TXNRD1: variants seen among roughly 807,000 people sequenced by gnomAD.
The protein encoded by TXNRD1 is thioredoxin reductase 1, also known as thioredoxin reductase 1, cytoplasmic.
In TXNRD1, 57 loss-of-function variants were observed where a neutral mutation model predicts 80.3. The ratio of observed to expected loss-of-function variants is 0.71; its 90% CI spans 0.57 to 0.89. TXNRD1 has a LOEUF of 0.89. Ranked by LOEUF, TXNRD1 falls within the 40% of genes least tolerant of loss-of-function variation. TXNRD1 has a pLI of 0.00. For missense variants in TXNRD1, 730 were observed against 803.0 expected (o/e 0.91, Z 1.10); for synonymous variants, 291 against 285.2 (o/e 1.02, Z -0.20).
intron 3 of TXNRD1, among the ~76,000 whole-genome samples, chr12:104,281,628 A>G (rs2033880920): frequency 6.6e-6 from 1 of 151,702 alleles, no homozygotes; most frequent in Non-Finnish European, 1.5e-5. Flanking sequence ...GGCTCATCTC[A>G]ATCTCCTGAC....
intron 16 of TXNRD1, among the ~76,000 whole-genome samples, chr12:104,342,299 C>G (rs2135892412): frequency 6.6e-6 from 1 of 152,248 alleles, no homozygotes; most frequent in African/African-American, 2.4e-5. Context: ...AGAGTCACAT[C>G]ATTAGCATAA....
chr12:104,270,156 C>G (rs2033624024), intron 3 of TXNRD1, among the ~76,000 whole-genome samples: 1 of 152,232 alleles, frequency 6.6e-6, no homozygotes, highest in Non-Finnish European at 1.5e-5. Flanking sequence ...TTATTGACTT[C>G]TTCCCATGAA....
chr12:104,311,825 A>C (rs538313029), intron 5 of TXNRD1, among the ~76,000 whole-genome samples: 13 of 152,200 alleles, frequency 8.5e-5, no homozygotes, highest in African/African-American at 3.1e-4. Context: ...TACTAAAAAT[A>C]CAAAAATTAG....
chr12:104,242,843 C>A (rs2032903990), intron 1 of TXNRD1, among the ~76,000 whole-genome samples: 1 of 152,134 alleles, frequency 6.6e-6, no homozygotes. Flanking sequence ...TTATCATGAA[C>A]CATTCCATAA....
chr12:104,340,704 G>A (rs930066889), intron 16 of TXNRD1, among the ~76,000 whole-genome samples: 1 of 152,044 alleles, frequency 6.6e-6, no homozygotes, highest in African/African-American at 2.4e-5. Context: ...CCAGTCATTG[G>A]ATTAGGGCCC....
intron 9 of TXNRD1, 62 bp from the exon 10 acceptor site, chr12:104,321,029 G>T: frequency 8.6e-7 from 1 of 1,163,208 alleles, no homozygotes. Flanking sequence ...CTTGGATTTA[G>T]TAATTATTTA....
chr12:104,245,517 C>CCAAAA (rs2032961472), intron 1 of TXNRD1, among the ~76,000 whole-genome samples: 1 of 29,262 alleles, frequency 3.4e-5, no homozygotes, highest in Admixed American at 7.4e-4. Flanking sequence ...AACTCCATCT[C>CCAAAA]AAAAAAAAAA....
chr12:104,277,275 C>T (rs2135731013), intron 3 of TXNRD1, among the ~76,000 whole-genome samples: 1 of 151,294 alleles, frequency 6.6e-6, no homozygotes, highest in Non-Finnish European at 1.5e-5. Flanking sequence ...TGGCGGGCGC[C>T]TATAGTACCA....
At chr12:104,265,420 G>A in intron 3 of TXNRD1, 1 of 1,604,346 alleles carries the variant, frequency 6.2e-7, no homozygotes, top group Non-Finnish European at 8.5e-7. Context: ...GCCTAATCAT[G>A]TCGTCGCCAA....
intron 1 of TXNRD1, among the ~76,000 whole-genome samples, chr12:104,236,669 A>G (rs993533470): frequency 6.6e-6 from 1 of 151,746 alleles, no homozygotes; most frequent in Non-Finnish European, 1.5e-5. Flanking sequence ...CATGCCTGTA[A>G]TCCCAGCTAC....
chr12:104,304,444 T>C (rs779653610), intron 4 of TXNRD1: 16 of 1,614,048 alleles, frequency 9.9e-6, no homozygotes, highest in Non-Finnish European at 1.2e-5. Context: ...CATTCCATTT[T>C]GTTTTTGGTT....
chr12:104,310,659 T>G (rs1440341625), intron 4 of TXNRD1, among the ~76,000 whole-genome samples: 1 of 152,210 alleles, frequency 6.6e-6, no homozygotes, highest in Non-Finnish European at 1.5e-5. Context: ...AACACCTAAA[T>G]TATAAAAGTC....
At chr12:104,303,763 C>G (rs1382325858) in intron 4 of TXNRD1, 1 of 1,155,748 alleles carries the variant, frequency 8.7e-7, no homozygotes, top group East Asian at 2.8e-5. Context: ...TCGGCTCTAA[C>G]TGCCGCCACT....
At chr12:104,318,826 C>A in intron 7 of TXNRD1, 87 bp from the exon 8 acceptor site, 1 of 1,448,780 alleles carries the variant, frequency 6.9e-7, no homozygotes, top group Non-Finnish European at 9.4e-7. Context: ...GCTCTGCTCC[C>A]TGTATTTCAC....
At chr12:104,267,292 G>T (rs370766664) in intron 3 of TXNRD1, among the ~76,000 whole-genome samples, 776 of 7,860 alleles carry the variant, frequency 0.099, no homozygotes, top group East Asian at 0.23. Context: ...TCCTCTTTCT[G>T]TCTGTCTGTC....
At chr12:104,271,059 C>T (rs979736530) in intron 3 of TXNRD1, among the ~76,000 whole-genome samples, 1 of 152,110 alleles carries the variant, frequency 6.6e-6, no homozygotes, top group Non-Finnish European at 1.5e-5. Context: ...CACGTGCATC[C>T]GTGTGAAAAG....
rs1023587843 is a variant in TXNRD1 at position 104,215,834 on chromosome 12, C to T, written c.32C>T (p.Ala11Val). 9 of 1,561,582 alleles carry T rather than the reference C, an allele frequency of 5.8e-6. No homozygotes were observed. Among genetic ancestry groups the T allele is most frequent in the African/African-American group, 1.4e-5 (1 of 73,356 alleles). The change falls in exon 1 of 17, where the codon GCG becomes GTG. Residue 11 changes from alanine (A) to valine (V), a missense_variant. By Grantham distance (64) the Ala-to-Val change is moderately conservative. Transcript: ENST00000525566. ...TGCGCCGAGGGCAAGGCAGTGGCGG[C>T]GGCCGCCCCAACGGAGCTGCAGACG... MGCAEGKAVA[A>V]AAPTELQTKG...
chr12:104,315,325 A>C (rs1368221148), intron 6 of TXNRD1, among the ~76,000 whole-genome samples: 1 of 152,224 alleles, frequency 6.6e-6, no homozygotes, highest in Non-Finnish European at 1.5e-5. Context: ...AAATCATCTA[A>C]CACAAAGCCT....
At chr12:104,303,875 C>T in intron 4 of TXNRD1, 3 of 1,494,098 alleles carry the variant, frequency 2.0e-6, no homozygotes, top group Non-Finnish European at 2.7e-6. Context: ...AGAGGAGCAG[C>T]TCGTGATCAT....
Sources: allele counts gnomAD v4.1 joint callset (sites outside exome capture counted in the v4.1 genomes callset), GRCh38; gene constraint gnomAD v4.1.1; transcripts MANE v1.5; gene names NCBI Gene and HGNC (gene_info 2026-07-23, HGNC 2026-07-21).